The following PGM2L1 variants were observed in gnomAD, a reference collection of about 807,000 sequenced individuals.
PGM2L1 encodes phosphoglucomutase 2 like 1, also known as glucose 1,6-bisphosphate synthase.
Under a neutral mutation model 73.4 loss-of-function variants are expected in PGM2L1, and 35 were observed. That is an observed-to-expected ratio of 0.48 (90% confidence interval 0.36 to 0.63). The LOEUF (loss-of-function observed/expected upper bound fraction) is 0.63. PGM2L1 is among the 30% of genes least tolerant of loss of function. The probability of loss-of-function intolerance (pLI) is 0.00; values close to 1 mark genes in which losing one functional copy is unlikely to be tolerated. For synonymous variants in PGM2L1, 225 were observed against 253.8 expected, an observed-to-expected ratio of 0.89 and a Z score of 1.08; for missense variants, 570 against 742.0, an observed-to-expected ratio of 0.77 and a Z score of 2.69.
At position 74,398,240 on chromosome 11, in the gene PGM2L1, C is replaced by T; in HGVS notation, c.-79G>A. On this transcript the variant is annotated 5_prime_UTR_variant, in exon 1 of 14. The change creates a premature stop within an existing upstream ORF in the 5' untranslated region. Coordinates refer to ENST00000298198, the MANE Select transcript of PGM2L1 (RefSeq NM_173582.6). ...GGGGGGTGGCTTGGGGTTCGCTCAC[C>T]AGGGTCCAGGCGTCCCCACCTCACT... is the stretch of plus-strand genomic sequence containing the variant. 1 of 1,519,452 alleles carries T rather than the reference C, an allele frequency of 6.6e-7. No individual in the cohort carries two copies. Among genetic ancestry groups the T allele is most frequent in the Non-Finnish European group, 8.8e-7 (1 of 1,134,142 alleles). The allele number at this position is 1,519,452 out of a possible 1,614,324, so 94.1% of individuals were successfully genotyped here.
intron 12 of PGM2L1, among the ~76,000 whole-genome samples, chr11:74,339,695 T>A (rs1414886091): frequency 6.6e-6 from 1 of 152,202 alleles, no homozygotes; most frequent in Non-Finnish European, 1.5e-5. Flanking sequence ...TCTTCCTGCC[T>A]GGAAGTTTGC....
Position 74,342,507 on chromosome 11 carries a change from C to T in PGM2L1, c.1586G>A (p.Arg529Gln), listed in dbSNP as rs138854022. 626 of 1,600,974 alleles carry T rather than the reference C, an allele frequency of 3.9e-4. No individual in the cohort carries two copies. The highest frequency in any genetic ancestry group is 5.1e-4 in the Non-Finnish European group (599 of 1,174,294). The change falls in exon 12 of 14, where the codon CGG becomes CAG. Residue 529 changes from arginine (R) to glutamine (Q), a missense_variant. Transcript: ENST00000298198. The part of the protein sequence containing the change: ...FCGTFAILHV[R>Q]DVTTGYDSSQ... Reference sequence around the variant, plus strand: ...ACTGTCATATCCAGTGGTAACGTCCCGTACATGCAATATAGCAAATGTTCC... The same window carrying T: ...ACTGTCATATCCAGTGGTAACGTCCTGTACATGCAATATAGCAAATGTTCC...
rs1193527355 is a variant in PGM2L1, at chr11:74,370,940, C to A, written c.433G>T (p.Val145Leu). 1.2e-6 allele frequency: 2 copies of A among 1,612,996 alleles called. No individual in the cohort carries two copies. The highest frequency in any genetic ancestry group is 3.3e-5 in the Admixed American group (2 of 59,964). ...GGAACATATCTTGAAAAAAGGTACA[C>A]AGGAACATCTTTGGCCAGCAAGACT... ...AAVLLAKDVP[V>L]YLFSRYVPTP... is the part of the protein sequence containing the mutation. Residue 145 changes from valine (V) to leucine (L), a missense_variant, in exon 4 of 14, where the codon GTG becomes TTG. By Grantham distance (32) the Val-to-Leu change is conservative. Coordinates refer to ENST00000298198, the MANE Select transcript of PGM2L1 (RefSeq NM_173582.6).
chr11:74,398,209 TG>T lies in PGM2L1; in HGVS notation c.-49del. The stretch of plus-strand genomic sequence containing the variant: ...CCGGGGGCCGGCGAAGACACTGAGT[TG>T]GGGTGGGGGGTGGCTTGGGGTTCGC... On this transcript the variant is annotated 5_prime_UTR_variant, in exon 1 of 14. Coordinates refer to ENST00000298198, the MANE Select transcript of PGM2L1 (RefSeq NM_173582.6). 1 of 1,561,038 alleles carries T rather than the reference TG, an allele frequency of 6.4e-7. No individual in the cohort carries two copies. The highest frequency in any genetic ancestry group is 8.7e-7 in the Non-Finnish European group (1 of 1,151,184).
intron 1 of PGM2L1, among the ~76,000 whole-genome samples, chr11:74,388,967 GA>G (rs1863052649): frequency 6.6e-6 from 1 of 152,150 alleles, no homozygotes; most frequent in Admixed American, 6.5e-5. Flanking sequence ...TATTTTGAGG[GA>G]AAATATTTCT....
intron 1 of PGM2L1, among the ~76,000 whole-genome samples, chr11:74,394,046 TAG>T (rs767845411): frequency 3.9e-5 from 6 of 151,944 alleles, no homozygotes; most frequent in Admixed American, 2.6e-4. Flanking sequence ...GCACTGGTAG[TAG>T]AGTCATCTGT....
chr11:74,348,184 T>C (rs557589364), intron 6 of PGM2L1, among the ~76,000 whole-genome samples: 12 of 152,306 alleles, frequency 7.9e-5, no homozygotes, highest in African/African-American at 2.6e-4. Context: ...TTGAGAACTT[T>C]AGTACATGGA....
At chr11:74,388,264 T>C (rs1215136396) in intron 1 of PGM2L1, among the ~76,000 whole-genome samples, 3 of 152,214 alleles carry the variant, frequency 2.0e-5, no homozygotes, top group East Asian at 3.9e-4. Flanking sequence ...AACCATACTA[T>C]ATTGAATACT....
rs150652146 is a variant in PGM2L1 at position 74,348,053 on chromosome 11, C to T, written c.750-716G>A. ...AGCCATTTGATGGGAACTTCCTAAT[C>T]GTCCCACACCAAACCGACAACCCAT... is the stretch of plus-strand genomic sequence containing the variant. On this transcript the variant is annotated intron_variant, in intron 6 of 13. Transcript: ENST00000298198. Among the ~76,000 whole-genome samples, 19 of 152,262 alleles carry T rather than the reference C, an allele frequency of 1.2e-4. 1 individual carries two copies. In the East Asian group the frequency reaches 3.1e-3, roughly 25 times the overall value.
intron 7 of PGM2L1, 68 bp from the exon 8 acceptor site, chr11:74,346,897 G>A: frequency 8.1e-7 from 1 of 1,236,526 alleles, no homozygotes; most frequent in African/African-American, 1.5e-5. Context: ...GTTCCTGTAT[G>A]TAGGCACAAT....
At chr11:74,347,431 AAATGTGATTT>A in intron 6 of PGM2L1, 94 bp from the exon 7 acceptor site, 1 of 1,097,252 alleles carries the variant, frequency 9.1e-7, no homozygotes, top group Middle Eastern at 2.1e-4. Flanking sequence ...AAATGTGATT[AAATGTGATTT>A]AAGCCTTCAG....
At position 74,333,759 on chromosome 11, in the gene PGM2L1, T is replaced by C. The variant is rs1343673343; in HGVS notation, c.*2893A>G. ...GAAGCATTTCCCGTGTCTCTTTATA[T>C]TGTTTGCTTATTTCTACTGTTTATT... On this transcript the variant is annotated 3_prime_UTR_variant, in exon 14 of 14. Transcript: ENST00000298198. 3 of 152,216 alleles carry C rather than the reference T, an allele frequency of 2.0e-5. No homozygotes were observed. Among genetic ancestry groups the C allele is most frequent in the Admixed American group, 1.3e-4 (2 of 15,284 alleles). 9.4% of individuals were successfully genotyped at this position (152,216 alleles called of 1,614,324 possible).
intron 1 of PGM2L1, among the ~76,000 whole-genome samples, chr11:74,395,442 A>C (rs1863157547): frequency 6.6e-6 from 1 of 151,206 alleles, no homozygotes; most frequent in South Asian, 2.1e-4. Context: ...GCTGGAGTGC[A>C]GTGGAACGAT....
At position 74,395,549 on chromosome 11, in the gene PGM2L1, C is replaced by CTTTTTTTTTTTTTTTTTTTT. The variant is rs60883108; in HGVS notation, c.111+2482_111+2501dup. On this transcript the variant is annotated intron_variant, in intron 1 of 13. Coordinates refer to ENST00000298198, the MANE Select transcript of PGM2L1 (RefSeq NM_173582.6). Reference sequence around the variant, plus strand: ...TACAGGCACGTGACACCTCGCCTGGCTTTTTTTTTTTTTTTTTTTTTTTTT... The same window carrying CTTTTTTTTTTTTTTTTTTTT: ...TACAGGCACGTGACACCTCGCCTGGCTTTTTTTTTTTTTTTTTTTTTTTTTTTTTTTTTTTTTTTTTTTTT... Among the ~76,000 whole-genome samples the CTTTTTTTTTTTTTTTTTTTT allele has an allele frequency of 6.2e-5, 4 of 64,918 alleles. 1 individual carries two copies. Among genetic ancestry groups the CTTTTTTTTTTTTTTTTTTTT allele is most frequent in the African/African-American group, 1.4e-4 (2 of 14,090 alleles). 42.6% of individuals were successfully genotyped at this position (64,918 alleles called of 152,430 possible). A position where few individuals can be genotyped will look rare whatever the true frequency, so the allele number is the denominator to read the frequency against.
intron 1 of PGM2L1, among the ~76,000 whole-genome samples, chr11:74,389,947 C>CAAAAAAAAAAAAAAAAAAAAA (rs71065078): frequency 2.1e-4 from 8 of 38,574 alleles, no homozygotes; most frequent in East Asian, 7.1e-4. Flanking sequence ...ACTAAAAATA[C>CAAAAAAAAAAAAAAAAAAAAA]AAAAAAAAAA....
At chr11:74,387,529 A>ATT (rs1863034723) in intron 1 of PGM2L1, among the ~76,000 whole-genome samples, 1 of 152,144 alleles carries the variant, frequency 6.6e-6, no homozygotes, top group Non-Finnish European at 1.5e-5. Flanking sequence ...ATACTTAAGA[A>ATT]ATCTGTTCAT....
intron 1 of PGM2L1, among the ~76,000 whole-genome samples, chr11:74,393,608 G>A (rs1275960120): frequency 1.3e-5 from 2 of 152,120 alleles, no homozygotes; most frequent in African/African-American, 2.4e-5. Context: ...ATAAGCCTAC[G>A]CTACCTTGAA....
chr11:74,391,439 A>G (rs1249949054), intron 1 of PGM2L1, among the ~76,000 whole-genome samples: 1 of 151,836 alleles, frequency 6.6e-6, no homozygotes, highest in Non-Finnish European at 1.5e-5. Context: ...CTCCACATCA[A>G]CTTCCTCATA....
rs1385185416 is a variant in PGM2L1 at position 74,388,336 on chromosome 11, A to T, written c.111+9715T>A. ...GTTCTTAATATGATAAAATAAAATT[A>T]AAAAAAATATAAACCTATACACCTA... On this transcript the variant is annotated intron_variant, in intron 1 of 13. Transcript: ENST00000298198. 7.8e-3 allele frequency among the ~76,000 whole-genome samples: 10 copies of T among 1,278 alleles called. No individual in the cohort carries two copies. In the South Asian group the frequency reaches 0.11, roughly 14 times the overall value. 0.8% of individuals were successfully genotyped at this position (1,278 alleles called of 152,430 possible). A position where few individuals can be genotyped will look rare whatever the true frequency, so the allele number is the denominator to read the frequency against.
Sources: gnomAD v4.1 joint callset for allele counts (sites outside exome capture counted in the v4.1 genomes callset) on GRCh38, gnomAD v4.1.1 for gene constraint, MANE v1.5 for transcripts, NCBI Gene and HGNC (gene_info 2026-07-23, HGNC 2026-07-21) for gene names.